Variants in MRAP2 observed in about 807,000 individuals in gnomAD.
MRAP2 encodes the protein melanocortin-2 receptor accessory protein 2.
MRAP2 carries 20 observed loss-of-function variants against 17.4 expected under a neutral mutation model. The ratio of observed to expected loss-of-function variants is 1.15; its 90% CI spans 0.81 to 1.67. The LOEUF (loss-of-function observed/expected upper bound fraction) is 1.67, where lower values mean the gene tolerates loss of function less well. Among genes scored for constraint, MRAP2 ranks in the 40% most tolerant of loss-of-function variants. The pLI is 0.00. For missense variants in MRAP2, 238 were observed against 240.0 expected (o/e 0.99, Z 0.05); for synonymous variants, 96 against 88.4 (o/e 1.09, Z -0.48).
At chr6:84,057,607 A>G (rs1017254331) in intron 2 of MRAP2, among the ~76,000 whole-genome samples, 1 of 152,096 alleles carries the variant, frequency 6.6e-6, no homozygotes, top group African/African-American at 2.4e-5. Context: ...CAAAGTGGAA[A>G]CCTATTTATT....
At chr6:84,111,822 G>A in the MRAP2 span, among the ~76,000 whole-genome samples, 12 of 152,280 alleles carry the variant, frequency 7.9e-5, no homozygotes, top group Admixed American at 2.6e-4. Context: ...AAGGGCTGTT[G>A]AATTTTGTCG....
chr6:84,095,935 G>T, the MRAP2 span, among the ~76,000 whole-genome samples: 4 of 152,192 alleles, frequency 2.6e-5, no homozygotes, highest in African/African-American at 4.8e-5. Context: ...TCCTTGGGAA[G>T]TTCATCTGCA....
the MRAP2 span, among the ~76,000 whole-genome samples, chr6:84,141,581 A>G: frequency 5.3e-5 from 8 of 152,020 alleles, no homozygotes; most frequent in East Asian, 1.9e-4. Flanking sequence ...AACTCCTCCA[A>G]CTTCCCCAGG....
intron 3 of MRAP2, among the ~76,000 whole-genome samples, chr6:84,085,700 A>G (rs780815044): frequency 6.6e-6 from 1 of 152,238 alleles, no homozygotes; most frequent in Non-Finnish European, 1.5e-5. Context: ...TAAACTAGGC[A>G]TGCAGAAAGA....
At chr6:84,057,202 T>C (rs1178174133) in intron 2 of MRAP2, among the ~76,000 whole-genome samples, 1 of 152,208 alleles carries the variant, frequency 6.6e-6, no homozygotes, top group East Asian at 1.9e-4. Flanking sequence ...TTGAAATGTG[T>C]GCTCTGGTAC....
chr6:84,063,452 G>A, intron 3 of MRAP2: 1 of 977,416 alleles, frequency 1.0e-6, no homozygotes, highest in Non-Finnish European at 1.2e-6. Context: ...TATTGACAAT[G>A]ATTAATAAAT....
chr6:84,057,503 G>A (rs2099491993), intron 2 of MRAP2, among the ~76,000 whole-genome samples: 1 of 152,180 alleles, frequency 6.6e-6, no homozygotes, highest in Non-Finnish European at 1.5e-5. Context: ...CTCAGATGGT[G>A]CTTGAGAATT....
the MRAP2 span, among the ~76,000 whole-genome samples, chr6:84,131,119 T>TAGTC: frequency 6.6e-6 from 1 of 152,344 alleles, no homozygotes; most frequent in Non-Finnish European, 1.5e-5. Context: ...ATTTATCCAG[T>TAGTC]AGTCCTTCAG....
chr6:84,120,282 A>G, the MRAP2 span, among the ~76,000 whole-genome samples: 3 of 152,180 alleles, frequency 2.0e-5, no homozygotes, highest in Admixed American at 6.5e-5. Context: ...TACTTGGTCT[A>G]CTGATTCAAA....
chr6:84,064,677 C>T (rs555523010), intron 3 of MRAP2, among the ~76,000 whole-genome samples: 12 of 152,212 alleles, frequency 7.9e-5, no homozygotes, highest in South Asian at 2.1e-4. Context: ...TTAGTAGAGA[C>T]AGGGTTTCAC....
the MRAP2 span, among the ~76,000 whole-genome samples, chr6:84,119,918 C>T: frequency 6.6e-6 from 1 of 152,122 alleles, no homozygotes; most frequent in Admixed American, 6.5e-5. Context: ...CTCCTGGTGC[C>T]ACAAATCTCT....
At chr6:84,053,156 T>C (rs1468298963) in intron 1 of MRAP2, among the ~76,000 whole-genome samples, 2 of 152,178 alleles carry the variant, frequency 1.3e-5, no homozygotes, top group East Asian at 1.9e-4. Context: ...CTCGGTTCTG[T>C]GGTGTGCTGA....
the MRAP2 span, among the ~76,000 whole-genome samples, chr6:84,102,045 T>A: frequency 6.6e-6 from 1 of 151,790 alleles, no homozygotes; most frequent in Admixed American, 6.6e-5. Flanking sequence ...GGATATATAT[T>A]CCATTGAGAG....
At chr6:84,059,347 C>T (rs1188873881) in intron 2 of MRAP2, among the ~76,000 whole-genome samples, 2 of 152,192 alleles carry the variant, frequency 1.3e-5, no homozygotes, top group African/African-American at 4.8e-5. Context: ...AGTGTGGGAA[C>T]ATCACTGTTG....
intron 3 of MRAP2, among the ~76,000 whole-genome samples, chr6:84,076,131 G>A (rs1350309672): frequency 4.6e-5 from 7 of 151,620 alleles, no homozygotes; most frequent in African/African-American, 9.7e-5. Flanking sequence ...GTGCGATCTC[G>A]GCTCACTGCT....
chr6:84,041,889 A>G (rs1195880050), intron 1 of MRAP2, among the ~76,000 whole-genome samples: 2 of 152,218 alleles, frequency 1.3e-5, no homozygotes, highest in East Asian at 3.9e-4. Context: ...TAATGCTGGA[A>G]TGAGTTAAGA....
intron 1 of MRAP2, among the ~76,000 whole-genome samples, chr6:84,042,571 G>A (rs564965318): frequency 1.3e-5 from 2 of 152,272 alleles, no homozygotes; most frequent in Non-Finnish European, 2.9e-5. Flanking sequence ...GACTATTTGG[G>A]ACCCTTAGAC....
At chr6:84,082,683 ATCC>A (rs2099499314) in intron 3 of MRAP2, among the ~76,000 whole-genome samples, 2 of 152,074 alleles carry the variant, frequency 1.3e-5, no homozygotes. Flanking sequence ...AGCTCAAATA[ATCC>A]TCCTGCCTCG....
At chr6:84,115,636 C>G in the MRAP2 span, among the ~76,000 whole-genome samples, 1 of 152,086 alleles carries the variant, frequency 6.6e-6, no homozygotes, top group Non-Finnish European at 1.5e-5. Flanking sequence ...AAAAAAAACA[C>G]TCCTGCAGCT....
Sources: gnomAD v4.1 joint callset for allele counts (sites outside exome capture counted in the v4.1 genomes callset) on GRCh38, gnomAD v4.1.1 for gene constraint, MANE v1.5 for transcripts, NCBI Gene and HGNC (gene_info 2026-07-23, HGNC 2026-07-21) for gene names.